Variants in LHFPL3 observed in about 807,000 individuals in gnomAD.
The protein encoded by LHFPL3 is LHFPL tetraspan subfamily member 3 protein.
In LHFPL3, 5 loss-of-function variants were observed where a neutral mutation model predicts 19.3. The observed-to-expected ratio is 0.26, with a 90% CI of 0.14 to 0.54. LHFPL3 has a LOEUF of 0.54. LHFPL3 is among the 20% of genes least tolerant of loss of function. The pLI is 0.94. For synonymous variants in LHFPL3, 133 were observed against 126.2 expected (o/e 1.05, Z -0.36); for missense variants, 249 against 307.4 (o/e 0.81, Z 1.42).
At chr7:104,841,300 T>C (rs902362545) in intron 2 of LHFPL3, among the ~76,000 whole-genome samples, 9 of 152,182 alleles carry the variant, frequency 5.9e-5, no homozygotes, top group Non-Finnish European at 1.3e-4. Context: ...GACATGACTA[T>C]GTAGCTAAGA....
intron 1 of LHFPL3, among the ~76,000 whole-genome samples, chr7:104,550,919 A>G (rs1562931795): frequency 6.6e-6 from 1 of 152,152 alleles, no homozygotes; most frequent in Non-Finnish European, 1.5e-5. Flanking sequence ...AAATCCCTTC[A>G]AACAATCTTC....
At chr7:104,366,804 G>A (rs959963647) in intron 1 of LHFPL3, among the ~76,000 whole-genome samples, 1 of 152,108 alleles carries the variant, frequency 6.6e-6, no homozygotes, top group Admixed American at 6.6e-5. Flanking sequence ...ATACAATATC[G>A]AGAAAATGAA....
chr7:104,599,128 C>A (rs781735745), intron 1 of LHFPL3, among the ~76,000 whole-genome samples: 6 of 152,124 alleles, frequency 3.9e-5, no homozygotes, highest in Non-Finnish European at 8.8e-5. Context: ...ATGATTCTTA[C>A]AGATAATAGA....
chr7:104,665,176 A>G (rs756551200), intron 1 of LHFPL3, among the ~76,000 whole-genome samples: 7 of 152,242 alleles, frequency 4.6e-5, no homozygotes, highest in Non-Finnish European at 1.0e-4. Context: ...GGTGTTGGAA[A>G]CAATAGGTCA....
intron 1 of LHFPL3, among the ~76,000 whole-genome samples, chr7:104,689,997 T>G (rs1792879039): frequency 6.9e-6 from 1 of 145,522 alleles, no homozygotes; most frequent in Non-Finnish European, 1.5e-5. Context: ...CCATTAGAGC[T>G]GCCTCTACCT....
intron 2 of LHFPL3, among the ~76,000 whole-genome samples, chr7:104,829,476 C>A (rs1464737587): frequency 6.6e-6 from 1 of 151,720 alleles, no homozygotes; most frequent in East Asian, 1.9e-4. Flanking sequence ...GCTATCCCTC[C>A]CCCATCCCCC....
intron 2 of LHFPL3, among the ~76,000 whole-genome samples, chr7:104,822,134 G>A (rs1000774501): frequency 5.9e-5 from 9 of 152,180 alleles, no homozygotes; most frequent in Non-Finnish European, 4.4e-5. Flanking sequence ...TTTCCCATGA[G>A]ACTAAGTGTT....
intron 1 of LHFPL3, among the ~76,000 whole-genome samples, chr7:104,559,567 A>C (rs920834301): frequency 9.2e-5 from 14 of 151,982 alleles, no homozygotes; most frequent in Non-Finnish European, 2.1e-4. Context: ...TTATCAGCTT[A>C]AGGAGATTTT....
intron 2 of LHFPL3, among the ~76,000 whole-genome samples, chr7:104,837,341 T>G (rs1243418224): frequency 6.6e-6 from 1 of 152,234 alleles, no homozygotes; most frequent in Non-Finnish European, 1.5e-5. Flanking sequence ...CACCTTTGAC[T>G]TCTTTAGCAC....
chr7:104,428,116 G>C (rs41474048), intron 1 of LHFPL3, among the ~76,000 whole-genome samples: 6,732 of 152,196 alleles, frequency 0.044, 517 homozygotes, highest in African/African-American at 0.15. Context: ...CAGCCACTTA[G>C]AACATATTCA....
intron 1 of LHFPL3, among the ~76,000 whole-genome samples, chr7:104,716,634 T>C (rs930088131): frequency 5.3e-5 from 8 of 152,144 alleles, no homozygotes; most frequent in African/African-American, 1.4e-4. Flanking sequence ...GAAACACTTA[T>C]ATGCTGAAAA....
intron 1 of LHFPL3, among the ~76,000 whole-genome samples, chr7:104,541,801 G>A (rs563883616): frequency 3.9e-5 from 6 of 152,006 alleles, no homozygotes; most frequent in Non-Finnish European, 8.8e-5. Flanking sequence ...ATAAAGTCCG[G>A]ATGGTATTTG....
At chr7:104,805,967 A>G (rs751842193) in intron 2 of LHFPL3, among the ~76,000 whole-genome samples, 3 of 152,204 alleles carry the variant, frequency 2.0e-5, no homozygotes, top group Non-Finnish European at 4.4e-5. Context: ...TGCACTGTAA[A>G]CCATGATACG....
At chr7:104,868,141 G>A (rs868809986) in intron 2 of LHFPL3, among the ~76,000 whole-genome samples, 7 of 150,064 alleles carry the variant, frequency 4.7e-5, no homozygotes, top group East Asian at 2.0e-4. Flanking sequence ...GGGCAAAAAC[G>A]GGAAGCATTC....
At chr7:104,806,044 C>T (rs760904252) in intron 2 of LHFPL3, among the ~76,000 whole-genome samples, 4 of 152,106 alleles carry the variant, frequency 2.6e-5, no homozygotes, top group African/African-American at 4.8e-5. Context: ...TGCTGCAGGC[C>T]GTGTTTTAGT....
intron 1 of LHFPL3, among the ~76,000 whole-genome samples, chr7:104,678,338 C>A (rs55752637): frequency 6.6e-6 from 1 of 152,036 alleles, no homozygotes; most frequent in African/African-American, 2.4e-5. Flanking sequence ...AAACAGCACC[C>A]CTTACCAAAC....
At chr7:104,820,098 T>C (rs138589359) in intron 2 of LHFPL3, among the ~76,000 whole-genome samples, 206 of 152,312 alleles carry the variant, frequency 1.4e-3, no homozygotes, top group African/African-American at 4.6e-3. Context: ...CATTTGCACC[T>C]TCTCATTCAT....
chr7:104,757,276 C>G (rs779096532), intron 2 of LHFPL3, among the ~76,000 whole-genome samples: 1 of 152,104 alleles, frequency 6.6e-6, no homozygotes, highest in Non-Finnish European at 1.5e-5. Flanking sequence ...CTAGGAAATA[C>G]CATCTGGACA....
chr7:104,786,157 T>C (rs1342767270), intron 2 of LHFPL3, among the ~76,000 whole-genome samples: 2 of 152,150 alleles, frequency 1.3e-5, no homozygotes, highest in Non-Finnish European at 2.9e-5. Flanking sequence ...AACCATTTCA[T>C]CTTTAAAAAA....
Sources: gnomAD v4.1 joint callset for allele counts (sites outside exome capture counted in the v4.1 genomes callset) on GRCh38, gnomAD v4.1.1 for gene constraint, MANE v1.5 for transcripts, NCBI Gene and HGNC (gene_info 2026-07-23, HGNC 2026-07-21) for gene names.